The following DCC variants were observed in gnomAD, a reference collection of about 807,000 sequenced individuals.
DCC encodes the protein DCC netrin 1 receptor, also known as netrin receptor DCC.
DCC carries 58 observed loss-of-function variants against 172.5 expected under a neutral mutation model. The ratio of observed to expected loss-of-function variants is 0.34; its 90% confidence interval spans 0.27 to 0.42. The LOEUF (loss-of-function observed/expected upper bound fraction) is 0.42, where lower values mean the gene tolerates loss of function less well. Among genes scored for constraint, DCC ranks in the 10% least tolerant of loss-of-function variants. The pLI is 1.00. For missense variants in DCC, 1,740 were observed against 1,791.0 expected, an observed-to-expected ratio of 0.97 and a Z score of 0.51; for synonymous variants, 709 against 644.5, an observed-to-expected ratio of 1.10 and a Z score of -1.52.
At chr18:53,369,455 C>T (rs894371003) in intron 15 of DCC, among the ~76,000 whole-genome samples, 18 of 151,408 alleles carry the variant, frequency 1.2e-4, no homozygotes, top group Non-Finnish European at 5.9e-5. Context: ...CTTTTTTTTC[C>T]AGTTCAGAAT....
chr18:53,096,565 GA>G (rs2043090890), intron 7 of DCC, among the ~76,000 whole-genome samples: 1 of 152,082 alleles, frequency 6.6e-6, no homozygotes, highest in African/African-American at 2.4e-5. Context: ...CAAAATTAAG[GA>G]GTGGAGAAGA....
chr18:52,748,453 C>T (rs572378278), intron 1 of DCC, among the ~76,000 whole-genome samples: 68 of 152,336 alleles, frequency 4.5e-4, no homozygotes, highest in African/African-American at 1.6e-3. Flanking sequence ...TCTCTCCTTC[C>T]TGCCATATGC....
intron 27 of DCC, among the ~76,000 whole-genome samples, chr18:53,506,627 G>A (rs1000648569): frequency 2.0e-5 from 3 of 152,132 alleles, no homozygotes; most frequent in Admixed American, 2.0e-4. Flanking sequence ...GGAGGCTGAG[G>A]CAGGCAGATT....
At position 52,925,326 on chromosome 18, in the gene DCC, A is replaced by C. The variant is rs779119574; in HGVS notation, c.941A>C (p.Tyr314Ser). The part of the protein sequence containing the change: ...DSGMYTCVVT[Y>S]KNENISASAE... ...GGAATGTATACCTGTGTTGTCACAT[A>C]TAAAAATGAGAATATTAGTGCCTCT... Residue 314 changes from tyrosine (Y) to serine (S), a missense_variant, in exon 5 of 29, where the codon TAT (tyrosine) becomes TCT (serine). By Grantham distance (144) the Tyr-to-Ser change is moderately radical. Around this residue, in one of 2 missense-constraint regions of DCC, gnomAD observed 1,732 missense variants for 1,767.4 expected, o/e 0.98. Transcript: ENST00000442544. The C allele has an allele frequency of 1.9e-6, 3 of 1,612,706 alleles. No individual in the cohort carries two copies. Among genetic ancestry groups the C allele is most frequent in the East Asian group, 4.5e-5 (2 of 44,816 alleles).
rs370129532 is a variant in DCC, at chr18:53,148,894, CG to C, written c.1262-8461del. ...TTTTTTTTTTTTTTGGACAAAGTCT[CG>C]CTCTGTTGCCCAGGCTGGAGTGCAG... On this transcript the variant is annotated intron_variant, in intron 7 of 28. Coordinates refer to ENST00000442544, the MANE Select transcript of DCC (RefSeq NM_005215.4). Among the ~76,000 whole-genome samples the C allele has an allele frequency of 2.6e-3, 256 of 99,812 alleles. 2 individuals are homozygous for C. The East Asian group carries it at 0.053, about 21-fold the overall frequency. The allele number at this position is 99,812 out of a possible 152,430, so 65.5% of individuals were successfully genotyped here. A position where few individuals can be genotyped will look rare whatever the true frequency, so the allele number is the denominator to read the frequency against.
At chr18:52,533,116 G>T (rs960368150) in intron 1 of DCC, among the ~76,000 whole-genome samples, 6 of 152,070 alleles carry the variant, frequency 3.9e-5, no homozygotes. Context: ...ATTTTACAGA[G>T]AGGTCATATG....
chr18:53,375,426 T>C (rs550741477), intron 15 of DCC, among the ~76,000 whole-genome samples: 1 of 152,298 alleles, frequency 6.6e-6, no homozygotes, highest in South Asian at 2.1e-4. Flanking sequence ...TAAAAAGATA[T>C]GCTTCCTCTT....
chr18:52,756,579 A>G (rs577414850), intron 2 of DCC, among the ~76,000 whole-genome samples: 2 of 152,340 alleles, frequency 1.3e-5, no homozygotes, highest in African/African-American at 4.8e-5. Context: ...AAACTTTGTG[A>G]TTAGAAAATT....
At position 53,280,168 on chromosome 18, in the gene DCC, A is replaced by G. The variant is rs80320149; in HGVS notation, c.1912-25410A>G. ...TTCATGATACTGCCTGTGCTTGTTA[A>G]ATGAATACATGTAAAGCACAAGGTC... On this transcript the variant is annotated intron_variant, in intron 12 of 28. Coordinates refer to ENST00000442544, the MANE Select transcript of DCC (RefSeq NM_005215.4). Among the ~76,000 whole-genome samples the G allele has an allele frequency of 8.6e-3, 1,311 of 152,284 alleles. 9 individuals are homozygous for G. Among genetic ancestry groups the G allele is most frequent in the Middle Eastern group, 0.017 (5 of 294 alleles).
At chr18:52,898,356 G>A (rs934393949) in intron 2 of DCC, among the ~76,000 whole-genome samples, 4 of 152,168 alleles carry the variant, frequency 2.6e-5, no homozygotes, top group African/African-American at 9.7e-5. Flanking sequence ...TTAAAAGAAG[G>A]AACAGGCCCA....
At chr18:52,800,908 T>G (rs1044679974) in intron 2 of DCC, among the ~76,000 whole-genome samples, 2 of 152,196 alleles carry the variant, frequency 1.3e-5, no homozygotes, top group African/African-American at 4.8e-5. Context: ...ACTGGTATAA[T>G]TATGCACCTA....
chr18:53,045,363 G>T (rs1384505226), intron 5 of DCC, among the ~76,000 whole-genome samples: 6 of 151,850 alleles, frequency 4.0e-5, no homozygotes, highest in African/African-American at 1.4e-4. Context: ...TTTGGCCCTT[G>T]TAGTTCATGG....
chr18:52,487,793 AGAGT>A (rs2030298572), intron 1 of DCC, among the ~76,000 whole-genome samples: 1 of 129,140 alleles, frequency 7.7e-6, no homozygotes, highest in South Asian at 2.8e-4. Flanking sequence ...TCTGGGTGAC[AGAGT>A]GAGACTCCAC....
At chr18:53,473,140 C>G (rs960158461) in intron 25 of DCC, among the ~76,000 whole-genome samples, 2 of 152,054 alleles carry the variant, frequency 1.3e-5, no homozygotes, top group African/African-American at 2.4e-5. Context: ...ATAATGACTC[C>G]CTTTTATATG....
intron 9 of DCC, among the ~76,000 whole-genome samples, chr18:53,197,652 A>T (rs967901139): frequency 3.3e-5 from 5 of 151,936 alleles, no homozygotes; most frequent in African/African-American, 1.2e-4. Context: ...GCATGCCTTG[A>T]TCCTTCTAAA....
At chr18:53,487,037 C>A (rs1238054286) in intron 26 of DCC, 79 bp downstream of exon 26, 6 of 1,572,078 alleles carry the variant, frequency 3.8e-6, no homozygotes, top group Non-Finnish European at 5.2e-6. Flanking sequence ...TGCATTCTGA[C>A]CTTATCCCTT....
At chr18:52,417,957 G>A (rs936443547) in intron 1 of DCC, among the ~76,000 whole-genome samples, 5 of 152,170 alleles carry the variant, frequency 3.3e-5, no homozygotes, top group African/African-American at 4.8e-5. Flanking sequence ...GGACCATAGC[G>A]CAGCTCTGTC....
rs2040964868 is a variant in DCC, at chr18:52,968,070, A to G, written c.985+42700A>G. 1.3e-5 allele frequency among the ~76,000 whole-genome samples: 2 copies of G among 152,194 alleles called. 1 individual carries two copies. Among genetic ancestry groups the G allele is most frequent in the South Asian group, 4.1e-4 (2 of 4,838 alleles). On this transcript the variant is annotated intron_variant, in intron 5 of 28. Transcript: ENST00000442544. ...TTGGAAAGGTGTATATTATTCTTCT[A>G]GCATTTATTAACCATCTATACTGGT...
At chr18:53,375,616 CTTTTTTT>C (rs1555660824) in intron 15 of DCC, among the ~76,000 whole-genome samples, 2 of 123,086 alleles carry the variant, frequency 1.6e-5, no homozygotes, top group Admixed American at 7.8e-5. Flanking sequence ...ATATTTAATT[CTTTTTTT>C]TTTTTTTTTT....
Sources: allele counts gnomAD v4.1 joint callset (sites outside exome capture counted in the v4.1 genomes callset), GRCh38; gene constraint gnomAD v4.1.1; regional missense constraint gnomAD v4.1.1; transcripts MANE v1.5; gene names NCBI Gene and HGNC (gene_info 2026-07-23, HGNC 2026-07-21).